The following EXOC4 variants were observed in gnomAD, a reference collection of about 807,000 sequenced individuals.
EXOC4 encodes exocyst complex component 4.
In EXOC4, 71 loss-of-function variants were observed where a neutral mutation model predicts 107.2. The ratio of observed to expected loss-of-function variants is 0.66; its 90% confidence interval spans 0.55 to 0.81. The LOEUF (loss-of-function observed/expected upper bound fraction) is 0.81. EXOC4 is among the 30% of genes least tolerant of loss of function. The pLI is 0.00. For missense variants in EXOC4, 1,108 were observed against 1,189.6 expected (o/e 0.93, Z 1.01); for synonymous variants, 456 against 441.2 (o/e 1.03, Z -0.42).
At chr7:133,581,533 C>T (rs979146114) in intron 9 of EXOC4, among the ~76,000 whole-genome samples, 26 of 151,420 alleles carry the variant, frequency 1.7e-4, no homozygotes, top group Middle Eastern at 3.4e-3. Context: ...CCGAGGCGGG[C>T]GGATCACGAG....
intron 14 of EXOC4, among the ~76,000 whole-genome samples, chr7:133,959,449 A>G (rs1175281699): frequency 6.6e-6 from 1 of 151,974 alleles, no homozygotes; most frequent in Non-Finnish European, 1.5e-5. Context: ...GAAGGTGGAA[A>G]AAAAAGACAA....
the EXOC4 span, among the ~76,000 whole-genome samples, chr7:134,085,753 A>G: frequency 1.3e-5 from 2 of 152,204 alleles, no homozygotes; most frequent in African/African-American, 4.8e-5. Context: ...GTCAAAAACA[A>G]CCAATAGCAA....
chr7:134,017,845 T>G (rs1794944629), intron 17 of EXOC4, among the ~76,000 whole-genome samples: 1 of 152,230 alleles, frequency 6.6e-6, no homozygotes, highest in Non-Finnish European at 1.5e-5. Context: ...TTATGCTCAA[T>G]TAGTGTCACC....
chr7:133,483,342 C>T (rs777141422), intron 9 of EXOC4, among the ~76,000 whole-genome samples: 5 of 152,308 alleles, frequency 3.3e-5, no homozygotes, highest in Middle Eastern at 6.8e-3. Context: ...GTTTTGTCCT[C>T]TGCAGTTATA....
chr7:134,090,749 G>A, the EXOC4 span, among the ~76,000 whole-genome samples: 1 of 152,134 alleles, frequency 6.6e-6, no homozygotes, highest in South Asian at 2.1e-4. Context: ...CACTCCCCAT[G>A]TCCCATGATC....
chr7:134,020,326 A>T (rs891774179), intron 17 of EXOC4, among the ~76,000 whole-genome samples: 1 of 152,156 alleles, frequency 6.6e-6, no homozygotes, highest in African/African-American at 2.4e-5. Context: ...TGCTCAGGAG[A>T]TTATCATGCA....
At chr7:134,081,199 T>C in the EXOC4 span, among the ~76,000 whole-genome samples, 15 of 151,944 alleles carry the variant, frequency 9.9e-5, no homozygotes, top group African/African-American at 3.6e-4. Context: ...AAAAATTAGC[T>C]GGGTTTATTG....
intron 9 of EXOC4, among the ~76,000 whole-genome samples, chr7:133,512,620 T>C (rs537813032): frequency 1.3e-5 from 2 of 151,980 alleles, no homozygotes; most frequent in African/African-American, 4.8e-5. Context: ...CACAAGAAAT[T>C]GAAAGAAGGT....
At chr7:133,532,468 G>C (rs1034779162) in intron 9 of EXOC4, among the ~76,000 whole-genome samples, 1 of 152,074 alleles carries the variant, frequency 6.6e-6, no homozygotes, top group African/African-American at 2.4e-5. Context: ...CGTTTTGTAG[G>C]TAATTTATTT....
intron 9 of EXOC4, among the ~76,000 whole-genome samples, chr7:133,622,095 C>T (rs1291639832): frequency 6.6e-6 from 1 of 152,132 alleles, no homozygotes; most frequent in Non-Finnish European, 1.5e-5. Context: ...CTGCCTCAGC[C>T]TCCCAAGTAC....
intron 11 of EXOC4, among the ~76,000 whole-genome samples, chr7:133,857,680 C>T (rs896826941): frequency 1.3e-5 from 2 of 151,828 alleles, no homozygotes; most frequent in Admixed American, 1.3e-4. Context: ...CTCCAGGCTC[C>T]GTGCAAGCCT....
intron 9 of EXOC4, among the ~76,000 whole-genome samples, chr7:133,607,946 TTGCTATCAGTAAGTCA>T (rs1420460032): frequency 6.6e-6 from 1 of 152,220 alleles, no homozygotes; most frequent in African/African-American, 2.4e-5. Context: ...CAAGCCAAAA[TTGCTATCAGTAAGTCA>T]TTTTTAAGTC....
intron 10 of EXOC4, among the ~76,000 whole-genome samples, chr7:133,671,338 T>C (rs113495600): frequency 0.085 from 12,921 of 151,978 alleles, 599 homozygotes; most frequent in Middle Eastern, 0.13. Context: ...CCGAGGCAGG[T>C]GGATCACTTG....
At chr7:134,068,867 C>A (rs992370642), downstream of EXOC4, among the ~76,000 whole-genome samples, 1 of 152,210 alleles carries the variant, frequency 6.6e-6, no homozygotes, top group South Asian at 2.1e-4. Flanking sequence ...CCGTGAATTT[C>A]GTAGCACTAA....
At chr7:133,666,875 C>G (rs1282879460) in intron 10 of EXOC4, among the ~76,000 whole-genome samples, 1 of 152,156 alleles carries the variant, frequency 6.6e-6, no homozygotes, top group Non-Finnish European at 1.5e-5. Flanking sequence ...AGTATCATCT[C>G]TCTGTCTCTT....
intron 7 of EXOC4, among the ~76,000 whole-genome samples, chr7:133,440,188 A>G (rs1798073296): frequency 6.6e-6 from 1 of 152,134 alleles, no homozygotes; most frequent in African/African-American, 2.4e-5. Context: ...TAGTTCTTGA[A>G]CACTACAATG....
chr7:134,030,872 G>C (rs1563097880), intron 17 of EXOC4, among the ~76,000 whole-genome samples: 1 of 151,964 alleles, frequency 6.6e-6, no homozygotes, highest in Non-Finnish European at 1.5e-5. Flanking sequence ...TGAAGCTTTT[G>C]CAAAACCTCC....
intron 10 of EXOC4, among the ~76,000 whole-genome samples, chr7:133,810,602 T>G (rs1218487586): frequency 8.3e-6 from 1 of 120,148 alleles, no homozygotes; most frequent in Non-Finnish European, 1.8e-5. Flanking sequence ...TTTGCTTTAT[T>G]TTATTTTATT....
Position 134,027,379 on chromosome 7 carries a change from G to C in EXOC4, c.2687+19544G>C, listed in dbSNP as rs571017599. Among the ~76,000 whole-genome samples the C allele has an allele frequency of 1.5e-4, 23 of 152,252 alleles. No homozygotes were observed. The East Asian group carries it at 4.3e-3, about 28-fold the overall frequency. ...AAAGCAGCAAAAACTGAATTGGCTG[G>C]CTGGGCACCGTGGCTCATGCCTGTA... On this transcript the variant is annotated intron_variant, in intron 17 of 17. Coordinates refer to ENST00000253861, the MANE Select transcript of EXOC4 (RefSeq NM_021807.4).
Sources: allele counts gnomAD v4.1 joint callset (sites outside exome capture counted in the v4.1 genomes callset), GRCh38; gene constraint gnomAD v4.1.1; transcripts MANE v1.5; gene names NCBI Gene and HGNC (gene_info 2026-07-23, HGNC 2026-07-21).